Variants in TCF7 observed in about 807,000 individuals in gnomAD.
TCF7 encodes the protein T-cell-factor-7.
TCF7 carries 19 observed loss-of-function variants against 46.8 expected under a neutral mutation model. The ratio of observed to expected loss-of-function variants is 0.41; its 90% CI spans 0.28 to 0.60. TCF7 has a LOEUF of 0.60. Ranked by LOEUF, TCF7 falls within the 20% of genes least tolerant of loss-of-function variation. TCF7 has a pLI of 0.35. For missense variants in TCF7, 547 were observed against 504.6 expected, an observed-to-expected ratio of 1.08 and a Z score of -0.81; for synonymous variants, 245 against 213.4, an observed-to-expected ratio of 1.15 and a Z score of -1.29.
intron 3 of TCF7, among the ~76,000 whole-genome samples, chr5:134,121,228 T>C (rs1419538549): frequency 2.6e-5 from 4 of 151,732 alleles, no homozygotes; most frequent in African/African-American, 9.7e-5. Flanking sequence ...CTCCCCTTCC[T>C]CAGTCATGTA....
At chr5:134,139,983 A>T (rs1759494443) in intron 5 of TCF7, 1 of 152,404 alleles carries the variant, frequency 6.6e-6, no homozygotes, top group African/African-American at 2.4e-5. Flanking sequence ...GGTTCCGTGG[A>T]TGCAAATCTG....
intron 8 of TCF7, 45 bp from the exon 9 acceptor site, chr5:134,143,547 T>G (rs772835071): frequency 6.2e-7 from 1 of 1,613,314 alleles, no homozygotes; most frequent in Non-Finnish European, 8.5e-7. Context: ...GGTATCCCAA[T>G]GTCTGCCTCC....
chr5:134,135,274 G>A (rs1194860694), intron 3 of TCF7, among the ~76,000 whole-genome samples: 1 of 152,122 alleles, frequency 6.6e-6, no homozygotes, highest in South Asian at 2.1e-4. Context: ...AGAGAATTTT[G>A]TAGGCCCCAG....
intron 3 of TCF7, among the ~76,000 whole-genome samples, chr5:134,136,675 GCCT>G (rs1270736655): frequency 6.6e-6 from 1 of 152,104 alleles, no homozygotes; most frequent in Non-Finnish European, 1.5e-5. Context: ...ACTGTGCCAG[GCCT>G]CCTCACCATG....
chr5:134,138,824 T>C, intron 4 of TCF7, 127 bp from the exon 5 acceptor site: 11 of 1,415,728 alleles, frequency 7.8e-6, no homozygotes, highest in Non-Finnish European at 1.0e-5. Context: ...TAAACTAGTT[T>C]ATGTCTGGTC....
At position 134,146,758 on chromosome 5, in the gene TCF7, A is replaced by G; in HGVS notation, c.*455A>G. The G allele has an allele frequency of 3.6e-6, 2 of 551,226 alleles. No individual in the cohort carries two copies. Among genetic ancestry groups the G allele is most frequent in the Non-Finnish European group, 3.2e-6 (1 of 314,558 alleles). 34.1% of individuals were successfully genotyped at this position (551,226 alleles called of 1,614,324 possible). A position where few individuals can be genotyped will look rare whatever the true frequency, so the allele number is the denominator to read the frequency against. On this transcript the variant is annotated 3_prime_UTR_variant, in exon 10 of 10. Coordinates refer to ENST00000342854, the MANE Select transcript of TCF7 (RefSeq NM_003202.5). ...CTAATTAAGGGAATCCCTTGTACCT[A>G]TGGCTGCCTGCATCTATTCTTTGTA...
At chr5:134,144,400 G>A (rs1295489786) in intron 9 of TCF7, 9 of 247,836 alleles carry the variant, frequency 3.6e-5, no homozygotes, top group Non-Finnish European at 7.2e-5. Flanking sequence ...AAGAAAAACT[G>A]GATAAAATGG....
chr5:134,116,631 A>G (rs1376459666), intron 3 of TCF7, among the ~76,000 whole-genome samples: 2 of 152,256 alleles, frequency 1.3e-5, no homozygotes, highest in African/African-American at 4.8e-5. Flanking sequence ...AGGGTTGGCA[A>G]AGGTGCTACA....
At position 134,114,791 on chromosome 5, in the gene TCF7, G is replaced by C. The variant is rs1177958723; in HGVS notation, c.-116G>C. The C allele has an allele frequency of 3.2e-6, 3 of 948,036 alleles. No individual in the cohort carries two copies. The highest frequency in any genetic ancestry group is 3.8e-6 in the Non-Finnish European group (3 of 797,992). The allele number at this position is 948,036 out of a possible 1,614,324, so 58.7% of individuals were successfully genotyped here. On this transcript the variant is annotated 5_prime_UTR_variant, in exon 1 of 10. Coordinates refer to ENST00000342854, the MANE Select transcript of TCF7 (RefSeq NM_003202.5). ...CCCAGGCGGAGTCAGCCCGCGCTCC[G>C]CCCGCCGCGATCCGAGCTCGGAGGT...
At position 134,146,504 on chromosome 5, in the gene TCF7, C is replaced by CA; in HGVS notation, c.*202dup. On this transcript the variant is annotated 3_prime_UTR_variant, in exon 10 of 10. Transcript: ENST00000342854. ...CACACAGGTACAGCAACAGGAATCT[C>CA]AGAGACAGGTGGCCTAGCAGGCACA... 1.4e-6 allele frequency: 1 copy of CA among 740,696 alleles called. No homozygotes were observed. 45.9% of individuals were successfully genotyped at this position (740,696 alleles called of 1,614,324 possible).
In TCF7 at chr5:134,146,446, G is replaced by A. The variant is rs1760721566; in HGVS notation, c.*143G>A. 1.1e-6 allele frequency: 1 copy of A among 897,170 alleles called. No individual in the cohort carries two copies. Among genetic ancestry groups the A allele is most frequent in the Non-Finnish European group, 1.9e-6 (1 of 538,378 alleles). 55.6% of individuals were successfully genotyped at this position (897,170 alleles called of 1,614,324 possible). On this transcript the variant is annotated 3_prime_UTR_variant, in exon 10 of 10. Coordinates refer to ENST00000342854, the MANE Select transcript of TCF7 (RefSeq NM_003202.5). ...CTGCTCTCAGCCTCCCAACCCCAGG[G>A]CCCCCACAGGCCCCCCGCAGCACCC...
intron 5 of TCF7, chr5:134,140,444 GGAATT>G (rs1561690109): frequency 4.9e-6 from 1 of 204,580 alleles, no homozygotes; most frequent in African/African-American, 2.4e-5. Context: ...AGGATGACCA[GGAATT>G]GAAGCAGGCA....
chr5:134,113,993 A>G (rs1755453654), upstream of TCF7, among the ~76,000 whole-genome samples: 1 of 152,162 alleles, frequency 6.6e-6, no homozygotes, highest in African/African-American at 2.4e-5. Context: ...TGGGACTTGG[A>G]GGATCGGCTG....
At chr5:134,120,469 C>T (rs1194665884) in intron 3 of TCF7, among the ~76,000 whole-genome samples, 1 of 152,182 alleles carries the variant, frequency 6.6e-6, no homozygotes, top group African/African-American at 2.4e-5. Context: ...CCCCGCCAGC[C>T]GCCCCTCATC....
At chr5:134,125,617 G>T (rs979373909) in intron 3 of TCF7, among the ~76,000 whole-genome samples, 1 of 152,246 alleles carries the variant, frequency 6.6e-6, no homozygotes, top group Admixed American at 6.5e-5. Context: ...CCCCAGGCTT[G>T]TCATGCCTGG....
At chr5:134,109,840 G>A (rs547039263), upstream of TCF7, among the ~76,000 whole-genome samples, 9 of 151,756 alleles carry the variant, frequency 5.9e-5, no homozygotes, top group South Asian at 1.7e-3. Flanking sequence ...GCCCAAAGAA[G>A]GCAGAGGACT....
At chr5:134,116,442 G>A (rs1486202093) in intron 3 of TCF7, among the ~76,000 whole-genome samples, 1 of 152,244 alleles carries the variant, frequency 6.6e-6, no homozygotes, top group Non-Finnish European at 1.5e-5. Context: ...CTTGGCGCTT[G>A]GAGGAATGGG....
intron 3 of TCF7, 99 bp from the exon 4 acceptor site, chr5:134,137,960 C>G (rs1368153641): frequency 1.2e-5 from 12 of 1,037,980 alleles, no homozygotes; most frequent in Non-Finnish European, 1.5e-5. Context: ...TTTTGGCCAC[C>G]ACTTTTCTTT....
intron 5 of TCF7, among the ~76,000 whole-genome samples, chr5:134,140,258 C>T (rs1225759097): frequency 6.6e-6 from 1 of 152,226 alleles, no homozygotes; most frequent in African/African-American, 2.4e-5. Flanking sequence ...CGTTAGGTCC[C>T]TGCCCTCTCA....
Sources: allele counts gnomAD v4.1 joint callset (sites outside exome capture counted in the v4.1 genomes callset), GRCh38; gene constraint gnomAD v4.1.1; transcripts MANE v1.5; gene names NCBI Gene and HGNC (gene_info 2026-07-23, HGNC 2026-07-21).